Variants in CASTOR2 observed in about 807,000 individuals in gnomAD.
CASTOR2 encodes GATS protein like 2.
A neutral mutation model predicts 31.2 loss-of-function variants in CASTOR2; 8 were observed. That is an observed-to-expected ratio of 0.26 (90% CI 0.15 to 0.46). CASTOR2 has a LOEUF of 0.46. CASTOR2 is among the 20% of genes least tolerant of loss of function. The probability of loss-of-function intolerance (pLI) is 0.99; values close to 1 mark genes in which losing one functional copy is unlikely to be tolerated. For missense variants in CASTOR2, 216 were observed against 382.1 expected (o/e 0.57, Z 3.62); for synonymous variants, 162 against 158.7 (o/e 1.02, Z -0.16).
chr7:75,019,608 C>T (rs1233024634), intron 5 of CASTOR2, among the ~76,000 whole-genome samples: 9 of 152,236 alleles, frequency 5.9e-5, no homozygotes, highest in African/African-American at 1.9e-4. Context: ...AAACTCCCCA[C>T]TCCCCACTGA....
chr7:75,022,323 A>C (rs1456773374), intron 7 of CASTOR2, among the ~76,000 whole-genome samples: 1 of 152,048 alleles, frequency 6.6e-6, no homozygotes, highest in Non-Finnish European at 1.5e-5. Flanking sequence ...TGGGAAACAT[A>C]GCGAGGCCCT....
chr7:74,965,853 C>CACACACACACACAT (rs1803562229), intron 1 of CASTOR2, among the ~76,000 whole-genome samples: 2 of 11,288 alleles, frequency 1.8e-4, no homozygotes, highest in African/African-American at 1.1e-3. Flanking sequence ...GAGGGAATCA[C>CACACACACACACAT]ACACACACAC....
intron 2 of CASTOR2, among the ~76,000 whole-genome samples, chr7:75,012,423 C>T (rs1804772142): frequency 6.6e-6 from 1 of 151,968 alleles, no homozygotes; most frequent in African/African-American, 2.4e-5. Flanking sequence ...CTGCCTCAGC[C>T]TCCTGAGTAG....
chr7:74,987,984 A>G (rs1584463098), intron 1 of CASTOR2, among the ~76,000 whole-genome samples: 1 of 149,732 alleles, frequency 6.7e-6, no homozygotes, highest in South Asian at 2.1e-4. Context: ...CTGGGATTAT[A>G]GGTGTGAGTC....
chr7:75,017,151 A>T (rs1429804784), intron 2 of CASTOR2, among the ~76,000 whole-genome samples: 1 of 151,882 alleles, frequency 6.6e-6, no homozygotes, highest in Non-Finnish European at 1.5e-5. Flanking sequence ...GACTCTCTCA[A>T]AAAACAATCC....
chr7:75,000,882 CGAACTCCT>C (rs1453002858), intron 1 of CASTOR2, among the ~76,000 whole-genome samples: 2 of 152,000 alleles, frequency 1.3e-5, no homozygotes, highest in Non-Finnish European at 2.9e-5. Flanking sequence ...AGGCTGGTCT[CGAACTCCT>C]GACCTCAGGT....
At chr7:75,021,577 G>C (rs2131957115) in intron 6 of CASTOR2, among the ~76,000 whole-genome samples, 1 of 152,314 alleles carries the variant, frequency 6.6e-6, no homozygotes, top group African/African-American at 2.4e-5. Context: ...TTCTCCCTCA[G>C]CTTGTGCTCT....
chr7:74,981,857 A>C (rs112331787), intron 1 of CASTOR2, among the ~76,000 whole-genome samples: 7 of 139,796 alleles, frequency 5.0e-5, no homozygotes, highest in Non-Finnish European at 7.7e-5. Context: ...GCTTGAGGCC[A>C]GGAATTCAAG....
At chr7:75,002,869 CT>C (rs1309418302) in intron 1 of CASTOR2, among the ~76,000 whole-genome samples, 1 of 151,972 alleles carries the variant, frequency 6.6e-6, no homozygotes, top group African/African-American at 2.4e-5. Context: ...GGGAGGATCA[CT>C]TGAGGCCAGG....
At chr7:74,994,113 GC>G (rs1347849786) in intron 1 of CASTOR2, among the ~76,000 whole-genome samples, 1 of 152,220 alleles carries the variant, frequency 6.6e-6, no homozygotes, top group Admixed American at 6.5e-5. Context: ...ACAGGCAGCC[GC>G]AGCGATTGAA....
rs1197872027 is a variant in CASTOR2 at position 75,021,975 on chromosome 7, A to C, written c.829+19A>C. 1,165 of 1,551,534 alleles carry C rather than the reference A, an allele frequency of 7.5e-4. 22 individuals are homozygous for C. In the South Asian group the frequency reaches 0.013, roughly 18 times the overall value. On this transcript the variant is annotated intron_variant, in intron 7 of 8. Transcript: ENST00000616305. ...GGGTTTGGTGAGTCCTGGGGGGATT[A>C]CATGGGGAATTGAGGGAGCTGGCAT...
At chr7:74,975,984 G>A (rs1803799769) in intron 1 of CASTOR2, among the ~76,000 whole-genome samples, 1 of 149,878 alleles carries the variant, frequency 6.7e-6, no homozygotes, top group South Asian at 2.1e-4. Context: ...TTTGAAAACA[G>A]ATCCTTCCGC....
rs1804894736 is a variant in CASTOR2 at position 75,017,588 on chromosome 7, C to T, written c.185-10C>T. Reference sequence around the variant, plus strand: ...GCAGTCACAGGACTGCCTTCTGTGTCTCCCTCCAGAGCTGCCCTCCTCGGA... The same window carrying T: ...GCAGTCACAGGACTGCCTTCTGTGTTTCCCTCCAGAGCTGCCCTCCTCGGA... On this transcript the variant is annotated splice_polypyrimidine_tract_variant and intron_variant, in intron 2 of 8. Transcript: ENST00000616305. 5 of 1,613,412 alleles carry T rather than the reference C, an allele frequency of 3.1e-6. No homozygotes were observed. The highest frequency in any genetic ancestry group is 1.3e-5 in the African/African-American group (1 of 74,932).
Position 75,024,732 on chromosome 7 carries a change from C to T in CASTOR2, c.*33C>T, listed in dbSNP as rs1023983121. On this transcript the variant is annotated 3_prime_UTR_variant, in exon 9 of 9. Coordinates refer to ENST00000616305, the MANE Select transcript of CASTOR2 (RefSeq NM_001145064.3). ...TCTTCTGCTCCTCCCTGCCGCCGCC[C>T]GGGCCCAGCCCTAACCCTGAAGATT... 16 of 1,551,438 alleles carry T rather than the reference C, an allele frequency of 1.0e-5. No homozygotes were observed. The highest frequency in any genetic ancestry group is 3.9e-5 in the Admixed American group (2 of 50,984).
At position 75,018,270 on chromosome 7, in the gene CASTOR2, T is replaced by G. The variant is rs1804912322; in HGVS notation, c.511+148T>G. ...ACGGGATGCAAAGGGCCCAGTGTGG[T>G]GGCTCATGCTTGTAATCCCAGCACT... On this transcript the variant is annotated intron_variant, in intron 4 of 8. Coordinates refer to ENST00000616305, the MANE Select transcript of CASTOR2 (RefSeq NM_001145064.3). 4.8e-6 allele frequency: 7 copies of G among 1,453,724 alleles called. No individual in the cohort carries two copies. The South Asian group carries it at 9.3e-5, about 19-fold the overall frequency. 90.1% of individuals were successfully genotyped at this position (1,453,724 alleles called of 1,614,324 possible). A position where few individuals can be genotyped will look rare whatever the true frequency, so the allele number is the denominator to read the frequency against.
Position 75,003,633 on chromosome 7 carries a change from T to C in CASTOR2, c.114-4361T>C, listed in dbSNP as rs1483135014. ...GGCGTGGTGGCGTGCGCCTGTAGTCTCAGCTACTCTGGAGGCTGAGGCAGG... is the reference window on the plus strand; with the variant it reads ...GGCGTGGTGGCGTGCGCCTGTAGTCCCAGCTACTCTGGAGGCTGAGGCAGG... On this transcript the variant is annotated intron_variant, in intron 1 of 8. Coordinates refer to ENST00000616305, the MANE Select transcript of CASTOR2 (RefSeq NM_001145064.3). 2.3e-4 allele frequency among the ~76,000 whole-genome samples: 34 copies of C among 150,960 alleles called. No individual in the cohort carries two copies. In the East Asian group the frequency reaches 4.3e-3, roughly 19 times the overall value.
chr7:75,024,457 G>A lies in CASTOR2; in HGVS notation c.847G>A (p.Ala283Thr). ...PLGFDECGIV[A>T]QISEPLAAAD... The stretch of plus-strand genomic sequence containing the variant: ...TGTTCTAGATGAGTGTGGCATCGTG[G>A]CCCAGATCTCAGAGCCCTTGGCTGC... The change falls in exon 8 of 9, where the codon GCC becomes ACC. Residue 283 changes from alanine (A) to threonine (T), a missense_variant. Ala to Thr is a moderately conservative substitution (Grantham distance 58). Around this residue, in one of 5 missense-constraint regions of CASTOR2, gnomAD observed 22 missense variants for 66.4 expected, o/e 0.33. Coordinates refer to ENST00000616305, the MANE Select transcript of CASTOR2 (RefSeq NM_001145064.3). 1 of 1,551,522 alleles carries A rather than the reference G, an allele frequency of 6.4e-7. No homozygotes were observed. Among genetic ancestry groups the A allele is most frequent in the Non-Finnish European group, 8.7e-7 (1 of 1,146,846 alleles).
At position 75,028,685 on chromosome 7, in the gene CASTOR2, C is replaced by G. The variant is rs999031139; in HGVS notation, c.*3986C>G. On this transcript the variant is annotated 3_prime_UTR_variant, in exon 9 of 9. Transcript: ENST00000616305. ...CAAGACACCCCTTCCTCCCTCAGCC[C>G]GTCGTCCTAACCCAGCAAAGATCTG... Among the ~76,000 whole-genome samples, 2 of 152,168 alleles carry G rather than the reference C, an allele frequency of 1.3e-5. No individual in the cohort carries two copies. Among genetic ancestry groups the G allele is most frequent in the Non-Finnish European group, 2.9e-5 (2 of 68,030 alleles).
In CASTOR2 at chr7:75,027,110, G is replaced by A. The variant is rs942873916; in HGVS notation, c.*2411G>A. The A allele has an allele frequency of 1.3e-5, 2 of 152,208 alleles. No homozygotes were observed. Among genetic ancestry groups the A allele is most frequent in the African/African-American group, 2.4e-5 (1 of 41,446 alleles). The allele number at this position is 152,208 out of a possible 1,614,324, so 9.4% of individuals were successfully genotyped here. ...CCACCCCGCACCGTCTGCCATACAC[G>A]CGGGCACATTTGAGCCACCATATAT... On this transcript the variant is annotated 3_prime_UTR_variant, in exon 9 of 9. Coordinates refer to ENST00000616305, the MANE Select transcript of CASTOR2 (RefSeq NM_001145064.3).
Sources: allele counts gnomAD v4.1 joint callset (sites outside exome capture counted in the v4.1 genomes callset), GRCh38; gene constraint gnomAD v4.1.1; regional missense constraint gnomAD v4.1.1; transcripts MANE v1.5; gene names NCBI Gene and HGNC (gene_info 2026-07-23, HGNC 2026-07-21).